Variants in ADK observed in about 807,000 individuals in gnomAD.
ADK encodes adenosine kinase, also known as N6,N6-dimethyladenosine kinase.
ADK carries 24 observed loss-of-function variants against 44.7 expected under a neutral mutation model. The ratio of observed to expected loss-of-function variants is 0.54; its 90% CI spans 0.39 to 0.76. The LOEUF (loss-of-function observed/expected upper bound fraction) is 0.76, where lower values mean the gene tolerates loss of function less well. Ranked by LOEUF, ADK falls within the 30% of genes least tolerant of loss-of-function variation. The pLI is 0.00. For synonymous variants in ADK, 128 were observed against 142.6 expected, an observed-to-expected ratio of 0.90 and a Z score of 0.73; for missense variants, 321 against 425.1, an observed-to-expected ratio of 0.76 and a Z score of 2.15.
At chr10:74,239,059 T>C (rs971532077) in intron 3 of ADK, among the ~76,000 whole-genome samples, 1 of 151,962 alleles carries the variant, frequency 6.6e-6, no homozygotes, top group African/African-American at 2.4e-5. Flanking sequence ...GAGTACTTTT[T>C]AACTGAGAAG....
At chr10:74,194,771 C>T (rs150704312) in intron 1 of ADK, among the ~76,000 whole-genome samples, 266 of 151,986 alleles carry the variant, frequency 1.8e-3, no homozygotes, top group Non-Finnish European at 3.1e-3. Context: ...GGCTAGTTGA[C>T]GTAGAGAGAA....
At chr10:74,647,775 A>G (rs985497372) in intron 9 of ADK, among the ~76,000 whole-genome samples, 4 of 152,212 alleles carry the variant, frequency 2.6e-5, no homozygotes, top group East Asian at 3.8e-4. Context: ...TTAATGTTCC[A>G]TAATTCACAT....
chr10:74,458,716 C>G (rs59814061), intron 6 of ADK, among the ~76,000 whole-genome samples: 1 of 152,084 alleles, frequency 6.6e-6, no homozygotes, highest in African/African-American at 2.4e-5. Flanking sequence ...TCACAGCTCC[C>G]AAAACAAATA....
At chr10:74,216,035 G>T (rs1365444008) in intron 2 of ADK, among the ~76,000 whole-genome samples, 1 of 152,070 alleles carries the variant, frequency 6.6e-6, no homozygotes, top group African/African-American at 2.4e-5. Context: ...TACATAAACA[G>T]CTTCCTTTTT....
chr10:74,671,437 A>G (rs1268007678), intron 10 of ADK, among the ~76,000 whole-genome samples: 1 of 152,196 alleles, frequency 6.6e-6, no homozygotes. Context: ...TAAATGAACT[A>G]TTAACCATTA....
At chr10:74,410,811 A>G (rs1289999428) in intron 6 of ADK, among the ~76,000 whole-genome samples, 2 of 152,196 alleles carry the variant, frequency 1.3e-5, no homozygotes, top group Non-Finnish European at 2.9e-5. Context: ...TAAGTGAACT[A>G]ATGATTTTTT....
At chr10:74,520,182 C>T (rs367982346) in intron 6 of ADK, among the ~76,000 whole-genome samples, 4 of 151,866 alleles carry the variant, frequency 2.6e-5, no homozygotes, top group East Asian at 1.9e-4. Context: ...CATAGTTTTA[C>T]GCATATGTGT....
chr10:74,676,916 TCTC>T (rs1236258041), intron 10 of ADK, among the ~76,000 whole-genome samples: 1 of 152,072 alleles, frequency 6.6e-6, no homozygotes, highest in Non-Finnish European at 1.5e-5. Context: ...TGCAAATAAT[TCTC>T]CTATTTCCCA....
intron 4 of ADK, among the ~76,000 whole-genome samples, chr10:74,348,502 A>C (rs1841852475): frequency 6.6e-6 from 1 of 152,054 alleles, no homozygotes. Context: ...AAACGGTGAA[A>C]ATTCCAAAAA....
chr10:74,321,357 C>T (rs897030487), intron 4 of ADK, among the ~76,000 whole-genome samples: 1 of 151,892 alleles, frequency 6.6e-6, no homozygotes, highest in South Asian at 2.1e-4. Flanking sequence ...GATCACAGCT[C>T]ACTGCATCCT....
intron 6 of ADK, among the ~76,000 whole-genome samples, chr10:74,466,600 A>G (rs1564737901): frequency 6.6e-6 from 1 of 152,200 alleles, no homozygotes; most frequent in Non-Finnish European, 1.5e-5. Context: ...CGCAAGTCCC[A>G]TAAATACCTA....
At chr10:74,300,163 T>G (rs1377478048) in intron 3 of ADK, among the ~76,000 whole-genome samples, 1 of 151,746 alleles carries the variant, frequency 6.6e-6, no homozygotes, top group African/African-American at 2.4e-5. Flanking sequence ...GGATTATAGG[T>G]GTGAGCCATC....
chr10:74,406,774 G>A (rs1463195810), intron 6 of ADK, among the ~76,000 whole-genome samples: 1 of 151,522 alleles, frequency 6.6e-6, no homozygotes, highest in African/African-American at 2.4e-5. Context: ...CCCGCCTCCT[G>A]GGTTCAAGTG....
chr10:74,511,292 G>T (rs532420625), intron 6 of ADK, among the ~76,000 whole-genome samples: 11 of 152,280 alleles, frequency 7.2e-5, no homozygotes, highest in African/African-American at 2.6e-4. Flanking sequence ...AGGTCTGATA[G>T]TGTGGTACCT....
At chr10:74,371,510 G>A (rs975098279) in intron 4 of ADK, 19 of 745,976 alleles carry the variant, frequency 2.5e-5, no homozygotes, top group African/African-American at 1.7e-4. Context: ...GATTCCCATC[G>A]TAGCTTAAAG....
At chr10:74,401,880 CGTT>C (rs1055888496) in intron 6 of ADK, among the ~76,000 whole-genome samples, 9 of 152,166 alleles carry the variant, frequency 5.9e-5, no homozygotes, top group African/African-American at 2.2e-4. Flanking sequence ...GGCTGGTACC[CGTT>C]GTTCTTTCCA....
At chr10:74,256,990 G>C (rs1845848503) in intron 3 of ADK, among the ~76,000 whole-genome samples, 1 of 152,058 alleles carries the variant, frequency 6.6e-6, no homozygotes, top group South Asian at 2.1e-4. Context: ...ACCAAAATGA[G>C]TTACTGCAAC....
intron 4 of ADK, among the ~76,000 whole-genome samples, chr10:74,316,254 G>A (rs991336273): frequency 4.0e-5 from 6 of 151,474 alleles, no homozygotes; most frequent in African/African-American, 1.5e-4. Context: ...AAAAAAAAGA[G>A]AGAAAAAAAG....
intron 3 of ADK, among the ~76,000 whole-genome samples, chr10:74,226,318 G>T (rs910152283): frequency 2.6e-5 from 4 of 152,100 alleles, no homozygotes; most frequent in African/African-American, 9.7e-5. Flanking sequence ...TGTTGGCCAG[G>T]CTGGTCTTGA....
Sources: gnomAD v4.1 joint callset for allele counts (sites outside exome capture counted in the v4.1 genomes callset) on GRCh38, gnomAD v4.1.1 for gene constraint, MANE v1.5 for transcripts, NCBI Gene and HGNC (gene_info 2026-07-23, HGNC 2026-07-21) for gene names.